GPR158: variants seen among roughly 807,000 people sequenced by gnomAD.
GPR158 encodes the protein metabotropic glycine receptor.
In GPR158, 30 loss-of-function variants were observed where a neutral mutation model predicts 78.2. The observed-to-expected ratio is 0.38, with a 90% CI of 0.29 to 0.52. GPR158 has a LOEUF of 0.52. Ranked by LOEUF, GPR158 falls within the 20% of genes least tolerant of loss-of-function variation. GPR158 has a pLI of 0.83. For synonymous variants in GPR158, 581 were observed against 591.1 expected (o/e 0.98, Z 0.25); for missense variants, 1,463 against 1,523.5 (o/e 0.96, Z 0.66).
intron 2 of GPR158, among the ~76,000 whole-genome samples, chr10:25,366,681 C>T (rs1148155): frequency 0.66 from 100,121 of 151,446 alleles, 34,170 homozygotes; most frequent in Non-Finnish European, 0.75. Context: ...TTCCTCCTGT[C>T]TAGCTGAAAT....
intron 5 of GPR158, among the ~76,000 whole-genome samples, chr10:25,490,394 A>C: frequency 1.4e-5 from 2 of 139,858 alleles, no homozygotes; most frequent in South Asian, 2.5e-4. Context: ...TGCACCCACT[A>C]ACTCGTCATC....
chr10:25,559,023 C>G (rs936523720), intron 6 of GPR158, among the ~76,000 whole-genome samples: 1 of 152,068 alleles, frequency 6.6e-6, no homozygotes, highest in African/African-American at 2.4e-5. Flanking sequence ...CTCATTAGCT[C>G]TCTATTTGTT....
chr10:25,175,254 C>T lies in GPR158; in HGVS notation c.-167C>T, dbSNP rs1484284647. 5.5e-6 allele frequency: 3 copies of T among 545,854 alleles called. No individual in the cohort carries two copies. Among genetic ancestry groups the T allele is most frequent in the Admixed American group, 3.6e-5 (1 of 27,504 alleles). The allele number at this position is 545,854 out of a possible 1,614,324, so 33.8% of individuals were successfully genotyped here. A position where few individuals can be genotyped will look rare whatever the true frequency, so the allele number is the denominator to read the frequency against. Reference sequence around the variant, plus strand: ...ATTTCTGCGACGGTAGCTTAGCCACCCGGGGCCAATCTCGAAACATTCTTA... The same window carrying T: ...ATTTCTGCGACGGTAGCTTAGCCACTCGGGGCCAATCTCGAAACATTCTTA... On this transcript the variant is annotated 5_prime_UTR_variant, in exon 1 of 11. Transcript: ENST00000376351. The surrounding 1 kb of genome is among the most constrained non-coding windows in gnomAD (Gnocchi z 6.4).
At chr10:25,498,435 A>G (rs1835912490) in intron 5 of GPR158, among the ~76,000 whole-genome samples, 1 of 152,182 alleles carries the variant, frequency 6.6e-6, no homozygotes, top group African/African-American at 2.4e-5. Flanking sequence ...ACCTTTACAA[A>G]TTACTGACAT....
rs754137888 is a variant in GPR158, at chr10:25,599,034, A to C, written c.3408A>C (p.Gln1136His). 140 of 1,613,966 alleles carry C rather than the reference A, an allele frequency of 8.7e-5. No individual in the cohort carries two copies. The highest frequency in any genetic ancestry group is 1.2e-4 in the Non-Finnish European group (137 of 1,180,020). ...AAACAGAGAATGAAAATCTCAACCAAATAGGACACCAGGAAAAAAAGACAT... is the reference window on the plus strand; with the variant it reads ...AAACAGAGAATGAAAATCTCAACCACATAGGACACCAGGAAAAAAAGACAT... ...ASKTENENLN[Q>H]IGHQEKKTSS... Residue 1136 changes from glutamine to histidine, a missense_variant, in exon 11 of 11, where the codon CAA becomes CAC. Transcript: ENST00000376351.
In GPR158 at chr10:25,520,813, T is replaced by G. The variant is rs530429629; in HGVS notation, c.1405-30163T>G. ...AGGGACAGCAGAGGTTACTGCTGTC[T>G]TTTTGTTTGTCTGTGCCCTGCCCCC... On this transcript the variant is annotated intron_variant, in intron 5 of 10. Coordinates refer to ENST00000376351, the MANE Select transcript of GPR158 (RefSeq NM_020752.3). Among the ~76,000 whole-genome samples, 299 of 152,324 alleles carry G rather than the reference T, an allele frequency of 2.0e-3. 1 individual carries two copies. The highest frequency in any genetic ancestry group is 6.9e-3 in the African/African-American group (287 of 41,568).
At chr10:25,231,749 C>A (rs1853450537) in intron 2 of GPR158, among the ~76,000 whole-genome samples, 1 of 152,148 alleles carries the variant, frequency 6.6e-6, no homozygotes, top group Non-Finnish European at 1.5e-5. Context: ...TGGAGGATGG[C>A]AGCTTACCAT....
intron 2 of GPR158, among the ~76,000 whole-genome samples, chr10:25,271,643 G>A (rs1337383590): frequency 6.6e-6 from 1 of 152,130 alleles, no homozygotes; most frequent in Non-Finnish European, 1.5e-5. Flanking sequence ...CCTATATACA[G>A]TTCTATGCCA....
intron 1 of GPR158, among the ~76,000 whole-genome samples, chr10:25,198,935 A>G (rs1002870603): frequency 6.6e-6 from 1 of 151,312 alleles, no homozygotes; most frequent in African/African-American, 2.4e-5. Context: ...AGCTTCTACT[A>G]TTATGCAACT....
At chr10:25,431,272 T>C (rs1462370696) in intron 4 of GPR158, among the ~76,000 whole-genome samples, 48 of 130,182 alleles carry the variant, frequency 3.7e-4, no homozygotes, top group African/African-American at 1.3e-3. Flanking sequence ...TCATCATCAC[T>C]GGCCATCAGA....
intron 3 of GPR158, among the ~76,000 whole-genome samples, chr10:25,397,890 C>A (rs980355721): frequency 6.6e-6 from 1 of 152,150 alleles, no homozygotes; most frequent in Non-Finnish European, 1.5e-5. Context: ...TTATCTAAGA[C>A]TCCATCATAG....
chr10:25,241,503 C>T (rs1470623174), intron 2 of GPR158, among the ~76,000 whole-genome samples: 9 of 149,326 alleles, frequency 6.0e-5, no homozygotes, highest in Non-Finnish European at 1.3e-4. Context: ...TCACTGCAAC[C>T]TCTGCCTCCT....
chr10:25,595,398 GATT>G (rs1837386450), intron 9 of GPR158, among the ~76,000 whole-genome samples: 1 of 152,192 alleles, frequency 6.6e-6, no homozygotes, highest in South Asian at 2.1e-4. Context: ...GCTATACTGA[GATT>G]ATTTAATAAA....
At chr10:25,449,150 A>G (rs1392089257) in intron 4 of GPR158, among the ~76,000 whole-genome samples, 1 of 152,174 alleles carries the variant, frequency 6.6e-6, no homozygotes, top group African/African-American at 2.4e-5. Context: ...TCCCTCCAAT[A>G]TGAATAATGC....
chr10:25,462,179 C>G (rs74803666), intron 4 of GPR158, among the ~76,000 whole-genome samples: 10,332 of 152,204 alleles, frequency 0.068, 1,041 homozygotes, highest in African/African-American at 0.22. Flanking sequence ...GAAAATCCTG[C>G]GGGCCTTAAG....
At chr10:25,397,174 A>G (rs958210242) in intron 3 of GPR158, among the ~76,000 whole-genome samples, 4 of 152,196 alleles carry the variant, frequency 2.6e-5, no homozygotes, top group South Asian at 4.1e-4. Context: ...CCACATTCAA[A>G]CAGAAGTGAT....
At chr10:25,545,383 T>C (rs1836649768) in intron 5 of GPR158, among the ~76,000 whole-genome samples, 1 of 152,194 alleles carries the variant, frequency 6.6e-6, no homozygotes, top group African/African-American at 2.4e-5. Flanking sequence ...TTCCTGACTT[T>C]CTAATGATTG....
At chr10:25,516,566 T>A (rs1288217892) in intron 5 of GPR158, among the ~76,000 whole-genome samples, 19 of 128,688 alleles carry the variant, frequency 1.5e-4, no homozygotes, top group Non-Finnish European at 4.8e-5. Flanking sequence ...AAGGAAGGGA[T>A]CCAGTTTCAG....
At chr10:25,231,770 G>A (rs538858183) in intron 2 of GPR158, among the ~76,000 whole-genome samples, 13 of 152,168 alleles carry the variant, frequency 8.5e-5, no homozygotes. Flanking sequence ...GCACAGGGAT[G>A]ACAAGAGGAT....
Sources: gnomAD v4.1 joint callset for allele counts (sites outside exome capture counted in the v4.1 genomes callset) on GRCh38, gnomAD v4.1.1 for gene constraint, Gnocchi (gnomAD v3.1) non-coding constraint, MANE v1.5 for transcripts, NCBI Gene and HGNC (gene_info 2026-07-23, HGNC 2026-07-21) for gene names.